NEK9: variants seen among roughly 807,000 people sequenced by gnomAD.
NEK9 encodes serine/threonine-protein kinase Nek9.
A neutral mutation model predicts 123.4 loss-of-function variants in NEK9; 75 were observed. The ratio of observed to expected loss-of-function variants is 0.61; its 90% CI spans 0.50 to 0.74. NEK9 has a LOEUF of 0.74. Among genes scored for constraint, NEK9 ranks in the 30% least tolerant of loss-of-function variants. NEK9 has a pLI of 0.00. For synonymous variants in NEK9, 438 were observed against 458.7 expected (o/e 0.95, Z 0.58); for missense variants, 952 against 1,214.4 (o/e 0.78, Z 3.21).
intron 8 of NEK9, among the ~76,000 whole-genome samples, chr14:75,111,986 A>T (rs1397379280): frequency 6.6e-6 from 1 of 152,224 alleles, no homozygotes; most frequent in Non-Finnish European, 1.5e-5. Context: ...CCAGACCAAA[A>T]GGGTGATACT....
chr14:75,096,247 A>G (rs1894378008), intron 17 of NEK9, among the ~76,000 whole-genome samples: 1 of 132,884 alleles, frequency 7.5e-6, no homozygotes, highest in Admixed American at 8.9e-5. Flanking sequence ...ACTGCGCTCC[A>G]GCCTGGGCGA....
Position 75,103,840 on chromosome 14 carries a change from A to AC in NEK9, c.1731+1dup, listed in dbSNP as rs1322334024. 1 of 1,605,698 alleles carries AC rather than the reference A, an allele frequency of 6.2e-7. No homozygotes were observed. On this transcript the variant is annotated splice_donor_variant, in intron 14 of 21. Coordinates refer to ENST00000238616, the MANE Select transcript of NEK9 (RefSeq NM_033116.6). LOFTEE classifies it high-confidence loss of function. ...GGTTAGAACACCAATCAGGACACTC[A>AC]CTTCATGGTTGATAATTCCCGACAT...
Position 75,087,030 on chromosome 14 carries a change from T to C in NEK9, c.2805A>G (p.Glu935=). ...TTAATGCTCTCACCTGCTGCCCTCC[T>C]TCTAATTTCTTGTTCAACTTCTGCA... is the stretch of plus-strand genomic sequence containing the variant. ...TQLQKLNKKL[E]GGQQVGMHSK... is the part of the protein sequence containing the mutation. Residue 935 remains glutamate (E), a synonymous_variant, in exon 21 of 22, where the codon GAA becomes GAG. Coordinates refer to ENST00000238616, the MANE Select transcript of NEK9 (RefSeq NM_033116.6). The C allele has an allele frequency of 6.2e-7, 1 of 1,614,220 alleles. No homozygotes were observed. Among genetic ancestry groups the C allele is most frequent in the Non-Finnish European group, 8.5e-7 (1 of 1,179,994 alleles).
intron 13 of NEK9, among the ~76,000 whole-genome samples, chr14:75,105,387 G>GT (rs1894736709): frequency 1.3e-5 from 2 of 152,102 alleles, no homozygotes; most frequent in East Asian, 1.9e-4. Context: ...ACCCTCCAAT[G>GT]GGTAAGCCTG....
At chr14:75,094,078 G>T (rs769680980) in intron 18 of NEK9, among the ~76,000 whole-genome samples, 1 of 152,144 alleles carries the variant, frequency 6.6e-6, no homozygotes. Flanking sequence ...TAGAACTGCT[G>T]TGCTTAGCGA....
intron 16 of NEK9, among the ~76,000 whole-genome samples, chr14:75,099,264 G>A (rs1894483855): frequency 6.6e-6 from 1 of 151,950 alleles, no homozygotes; most frequent in South Asian, 2.1e-4. Context: ...GGTGGAGGCT[G>A]CACTGAGCCG....
At chr14:75,124,507 A>G (rs1191040161) in intron 1 of NEK9, among the ~76,000 whole-genome samples, 1 of 152,204 alleles carries the variant, frequency 6.6e-6, no homozygotes, top group African/African-American at 2.4e-5. Flanking sequence ...AAAAGATTCT[A>G]TTGAGGATAC....
intron 8 of NEK9, among the ~76,000 whole-genome samples, chr14:75,110,580 C>T (rs1894928691): frequency 6.6e-6 from 1 of 152,016 alleles, no homozygotes. Flanking sequence ...CAAAGGCCAG[C>T]AGTTTGGGGC....
At chr14:75,106,083 C>T (rs1894762521) in intron 12 of NEK9, 87 bp from the exon 13 acceptor site, 5 of 1,175,340 alleles carry the variant, frequency 4.3e-6, no homozygotes, top group Middle Eastern at 1.9e-4. Context: ...TTGCCAGGTG[C>T]GGTGGCTCAC....
intron 14 of NEK9, among the ~76,000 whole-genome samples, 192 bp downstream of exon 14, chr14:75,103,650 T>TAAAA (rs1403870226): frequency 2.6e-5 from 4 of 152,216 alleles, no homozygotes; most frequent in Admixed American, 1.3e-4. Flanking sequence ...ATTTTGCCTG[T>TAAAA]TCTTAAATTT....
Position 75,079,668 on chromosome 14 carries a change from T to G in NEK9, c.*4896A>C, listed in dbSNP as rs904986092. The G allele has an allele frequency of 6.6e-6, 1 of 152,170 alleles. No homozygotes were observed. The highest frequency in any genetic ancestry group is 1.9e-4 in the East Asian group (1 of 5,204). 9.4% of individuals were successfully genotyped at this position (152,170 alleles called of 1,614,324 possible). The stretch of plus-strand genomic sequence containing the variant: ...CATTTAAAAACTGGGATATGGAACA[T>G]CTCTTGAAAAACTGGAAGTTCTGGA... On this transcript the variant is annotated 3_prime_UTR_variant, in exon 22 of 22. Coordinates refer to ENST00000238616, the MANE Select transcript of NEK9 (RefSeq NM_033116.6).
At chr14:75,090,821 C>T (rs1894192280) in intron 19 of NEK9, among the ~76,000 whole-genome samples, 1 of 152,212 alleles carries the variant, frequency 6.6e-6, no homozygotes, top group South Asian at 2.1e-4. Flanking sequence ...GATCCTCCTG[C>T]CTCAGCCTCC....
At chr14:75,087,543 A>T (rs964500094) in intron 20 of NEK9, among the ~76,000 whole-genome samples, 4 of 152,218 alleles carry the variant, frequency 2.6e-5, no homozygotes, top group Non-Finnish European at 4.4e-5. Flanking sequence ...TGAAGTAGGG[A>T]AAAGCATGAT....
chr14:75,120,481 A>G, intron 4 of NEK9, 29 bp downstream of exon 4: 1 of 1,527,772 alleles, frequency 6.5e-7, no homozygotes, highest in East Asian at 2.3e-5. Flanking sequence ...GTAGGGAAGA[A>G]TCCATCCATA....
In NEK9 at chr14:75,127,045, T is replaced by A; in HGVS notation, c.-124A>T. On this transcript the variant is annotated 5_prime_UTR_variant, in exon 1 of 22. Coordinates refer to ENST00000238616, the MANE Select transcript of NEK9 (RefSeq NM_033116.6). ...AGCCCAGCAACCCCGCGAAGCTCGA[T>A]GGTGGCTCCTGCCCCCCGACCCGGA... 1 of 717,284 alleles carries A rather than the reference T, an allele frequency of 1.4e-6. No individual in the cohort carries two copies. The highest frequency in any genetic ancestry group is 2.2e-6 in the Non-Finnish European group (1 of 459,004). The allele number at this position is 717,284 out of a possible 1,614,324, so 44.4% of individuals were successfully genotyped here. A position where few individuals can be genotyped will look rare whatever the true frequency, so the allele number is the denominator to read the frequency against.
rs1894909674 is a variant in NEK9 at position 75,110,017 on chromosome 14, T to C, written c.990-140A>G. 7 of 897,626 alleles carry C rather than the reference T, an allele frequency of 7.8e-6. No homozygotes were observed. In the South Asian group the frequency reaches 1.2e-4, roughly 16 times the overall value. The allele number at this position is 897,626 out of a possible 1,614,324, so 55.6% of individuals were successfully genotyped here. On this transcript the variant is annotated intron_variant, in intron 9 of 21. Transcript: ENST00000238616. ...TCTTTCTCGACAACTTGTTTCAATG[T>C]GCTCTATCACAGCAGACTTTGCAAT...
At chr14:75,096,543 ACGGTGGCTCATGC>A (rs1894390002) in intron 17 of NEK9, 1 of 152,078 alleles carries the variant, frequency 6.6e-6, no homozygotes, top group African/African-American at 2.4e-5. Context: ...AGGGCCAGGC[ACGGTGGCTCATGC>A]CTGTAATCCC....
intron 3 of NEK9, 186 bp from the exon 4 acceptor site, chr14:75,120,766 AG>A (rs1895303549): frequency 1.7e-6 from 1 of 586,466 alleles, no homozygotes; most frequent in Non-Finnish European, 3.0e-6. Context: ...CACAAAAAAC[AG>A]GTTCCTCATA....
chr14:75,127,134 T>G, upstream of NEK9: 1 of 504,452 alleles, frequency 2.0e-6, no homozygotes, highest in Non-Finnish European at 3.5e-6. Context: ...TCTTGGCTAG[T>G]CTAGCGGCCA....
Sources: allele counts gnomAD v4.1 joint callset (sites outside exome capture counted in the v4.1 genomes callset), GRCh38; gene constraint gnomAD v4.1.1; transcripts MANE v1.5; gene names NCBI Gene and HGNC (gene_info 2026-07-23, HGNC 2026-07-21).